CCDC7: variants seen among roughly 807,000 people sequenced by gnomAD.
CCDC7 encodes the protein coiled-coil domain-containing protein 7.
Under a neutral mutation model 196.9 loss-of-function variants are expected in CCDC7, and 183 were observed. The ratio of observed to expected loss-of-function variants is 0.93; its 90% CI spans 0.82 to 1.05. CCDC7 has a LOEUF of 1.05. Among genes scored for constraint, CCDC7 ranks in the 50% least tolerant of loss-of-function variants. CCDC7 has a pLI of 0.00. For synonymous variants in CCDC7, 525 were observed against 484.6 expected, an observed-to-expected ratio of 1.08 and a Z score of -1.10; for missense variants, 1,540 against 1,482.2, an observed-to-expected ratio of 1.04 and a Z score of -0.64.
chr10:32,673,323 A>G (rs1011200792), intron 21 of CCDC7, among the ~76,000 whole-genome samples: 1 of 152,006 alleles, frequency 6.6e-6, no homozygotes, highest in Non-Finnish European at 1.5e-5. Context: ...ATTTCTGTAA[A>G]AGTGTGCCAT....
rs189592587 is a variant in CCDC7, at chr10:32,505,641, C to A, written c.873-12304C>A. Among the ~76,000 whole-genome samples, 600 of 151,980 alleles carry A rather than the reference C, an allele frequency of 3.9e-3. 3 individuals are homozygous for A. Among genetic ancestry groups the A allele is most frequent in the African/African-American group, 0.013 (558 of 41,458 alleles). On this transcript the variant is annotated intron_variant, in intron 9 of 41. Coordinates refer to ENST00000639629, the Ensembl canonical transcript of CCDC7. ...TCTTTTCCCCACATTTCCCCCTTTT[C>A]TTTTCGACAAAACCGCCACTGTCAT...
At chr10:32,625,417 C>A (rs1445776767) in intron 18 of CCDC7, among the ~76,000 whole-genome samples, 1 of 151,424 alleles carries the variant, frequency 6.6e-6, no homozygotes, top group African/African-American at 2.4e-5. Flanking sequence ...TATACCATTA[C>A]AATACTGTTT....
At chr10:32,576,314 A>G (rs1359362799) in intron 16 of CCDC7, among the ~76,000 whole-genome samples, 4 of 151,874 alleles carry the variant, frequency 2.6e-5, no homozygotes, top group East Asian at 1.9e-4. Flanking sequence ...AAAAAAAAAA[A>G]AAAAGAAAAG....
At chr10:32,587,779 T>A (rs183729713) in intron 18 of CCDC7, among the ~76,000 whole-genome samples, 1 of 152,356 alleles carries the variant, frequency 6.6e-6, no homozygotes, top group East Asian at 1.9e-4. Flanking sequence ...TCTGACTGGA[T>A]CTTTTAGTAC....
At chr10:32,729,495 T>G in intron 28 of CCDC7, 38 bp downstream of exon 29, 1 of 1,013,388 alleles carries the variant, frequency 9.9e-7, no homozygotes, top group South Asian at 1.9e-5. Flanking sequence ...ATTGTTTTTA[T>G]TAAATTCAGG....
At chr10:32,664,533 ACT>A (rs2072222480) in intron 21 of CCDC7, among the ~76,000 whole-genome samples, 1 of 151,836 alleles carries the variant, frequency 6.6e-6, no homozygotes, top group African/African-American at 2.4e-5. Flanking sequence ...CCAACATTTT[ACT>A]CTCTGTTCCT....
chr10:32,453,739 A>G (rs1284050697), intron 2 of CCDC7, among the ~76,000 whole-genome samples: 2 of 152,330 alleles, frequency 1.3e-5, no homozygotes, highest in South Asian at 4.1e-4. Context: ...ACTCTCATAC[A>G]GAGCTGGTGG....
intron 41 of CCDC7, among the ~76,000 whole-genome samples, chr10:32,863,934 C>T (rs2094108580): frequency 6.6e-6 from 1 of 150,440 alleles, no homozygotes; most frequent in African/African-American, 2.4e-5. Context: ...GAAAAAACCT[C>T]CCACACTGCA....
chr10:32,746,041 C>G (rs1254729886), intron 28 of CCDC7, among the ~76,000 whole-genome samples: 1 of 152,128 alleles, frequency 6.6e-6, no homozygotes, highest in Admixed American at 6.5e-5. Flanking sequence ...AAACAATTGA[C>G]TTTTGAGGAG....
At chr10:32,698,413 G>C (rs2078084241) in intron 24 of CCDC7, among the ~76,000 whole-genome samples, 1 of 152,158 alleles carries the variant, frequency 6.6e-6, no homozygotes, top group Non-Finnish European at 1.5e-5. Context: ...CTGAGCTAAA[G>C]GAGGATGCTC....
intron 18 of CCDC7, among the ~76,000 whole-genome samples, chr10:32,597,130 G>T (rs529184812): frequency 1.3e-5 from 2 of 152,222 alleles, no homozygotes; most frequent in East Asian, 1.9e-4. Context: ...TTTCCAACTT[G>T]GTTCCATTCT....
chr10:32,803,064 A>G (rs2085122333), intron 29 of CCDC7, among the ~76,000 whole-genome samples: 1 of 152,188 alleles, frequency 6.6e-6, no homozygotes, highest in Non-Finnish European at 1.5e-5. Flanking sequence ...TTTCATCATA[A>G]TTTGAGAAGA....
intron 29 of CCDC7, among the ~76,000 whole-genome samples, chr10:32,793,007 T>G (rs1383565248): frequency 6.6e-6 from 1 of 152,158 alleles, no homozygotes; most frequent in Non-Finnish European, 1.5e-5. Context: ...TAACCTTGAA[T>G]GTAAATGGAA....
intron 28 of CCDC7, among the ~76,000 whole-genome samples, chr10:32,747,063 G>T (rs2074891274): frequency 6.6e-6 from 1 of 152,220 alleles, no homozygotes; most frequent in Non-Finnish European, 1.5e-5. Flanking sequence ...CCCCAACTGA[G>T]TGTTGTTGCC....
At chr10:32,847,897 A>T (rs761262116) in exon 38 of CCDC7, 1 of 1,604,556 alleles carries the variant, frequency 6.2e-7, no homozygotes, top group African/African-American at 1.3e-5. Flanking sequence ...AGATAAAGAC[A>T]CAACTAAGGA....
chr10:32,636,765 A>C lies in CCDC7; in HGVS notation c.2014+1607A>C, dbSNP rs188446463. 7.9e-3 allele frequency among the ~76,000 whole-genome samples: 1,205 copies of C among 152,304 alleles called. 7 individuals are homozygous for C. The highest frequency in any genetic ancestry group is 0.02 in the Middle Eastern group (6 of 294). On this transcript the variant is annotated intron_variant, in intron 20 of 41. Transcript: ENST00000639629. ...ACCCAGTAATGGGATGGCTGGGTCA[A>C]ATGGTATTTCTAGTTCCAGATCCCT...
intron 28 of CCDC7, among the ~76,000 whole-genome samples, chr10:32,764,893 A>G (rs568265308): frequency 6.6e-6 from 1 of 152,108 alleles, no homozygotes; most frequent in Non-Finnish European, 1.5e-5. Flanking sequence ...CATGGTTACC[A>G]TAATGGAAAT....
At chr10:32,668,932 GTAGAA>G (rs1193399444) in intron 21 of CCDC7, among the ~76,000 whole-genome samples, 5 of 152,148 alleles carry the variant, frequency 3.3e-5, no homozygotes, top group African/African-American at 1.2e-4. Context: ...CCAGTGTTCT[GTAGAA>G]TAGAAGTGGT....
intron 8 of CCDC7, among the ~76,000 whole-genome samples, chr10:32,477,409 G>A (rs1358061259): frequency 1.3e-5 from 2 of 151,800 alleles, no homozygotes; most frequent in Non-Finnish European, 2.9e-5. Flanking sequence ...CACCATGTTG[G>A]TCAGGCTGGT....
Sources: gnomAD v4.1 joint callset for allele counts (sites outside exome capture counted in the v4.1 genomes callset) on GRCh38, gnomAD v4.1.1 for gene constraint, MANE v1.5 for transcripts, NCBI Gene and HGNC (gene_info 2026-07-23, HGNC 2026-07-21) for gene names.